The following TTLL5 variants were observed in gnomAD, a reference collection of about 807,000 sequenced individuals.
TTLL5 encodes the protein tubulin tyrosine ligase like 5, also known as tubulin polyglutamylase TTLL5.
In TTLL5, 132 loss-of-function variants were observed where a neutral mutation model predicts 168.4. The observed-to-expected ratio is 0.78, with a 90% CI of 0.68 to 0.91. TTLL5 has a LOEUF of 0.91. Among genes scored for constraint, TTLL5 ranks in the 40% least tolerant of loss-of-function variants. The pLI, the probability that TTLL5 is intolerant of heterozygous loss-of-function variation, is 0.00. For synonymous variants in TTLL5, 546 were observed against 558.6 expected, an observed-to-expected ratio of 0.98 and a Z score of 0.32; for missense variants, 1,545 against 1,581.5, an observed-to-expected ratio of 0.98 and a Z score of 0.39.
chr14:75,670,454 A>G (rs903082662), intron 3 of TTLL5, among the ~76,000 whole-genome samples: 1 of 152,186 alleles, frequency 6.6e-6, no homozygotes, highest in African/African-American at 2.4e-5. Flanking sequence ...TGGAATTGCT[A>G]GGCCATATGG....
intron 12 of TTLL5, 113 bp from the exon 13 acceptor site, chr14:75,732,225 T>TTA (rs1192508421): frequency 1.0e-5 from 8 of 770,182 alleles, no homozygotes; most frequent in Admixed American, 9.2e-5. Context: ...CACTTGCTAC[T>TTA]TACACTCAGT....
chr14:75,819,485 T>C (rs1894705332), intron 27 of TTLL5, among the ~76,000 whole-genome samples: 2 of 152,362 alleles, frequency 1.3e-5, no homozygotes, highest in South Asian at 4.1e-4. Flanking sequence ...ATGACTAGTT[T>C]TACATGTTTA....
At chr14:75,867,758 C>CAA (rs1399368296) in intron 29 of TTLL5, among the ~76,000 whole-genome samples, 6 of 90,746 alleles carry the variant, frequency 6.6e-5, no homozygotes, top group South Asian at 3.5e-4. Context: ...AGACTGTCTC[C>CAA]AAAAAAAAAA....
intron 6 of TTLL5, among the ~76,000 whole-genome samples, chr14:75,693,442 A>G (rs1885600956): frequency 1.3e-5 from 2 of 152,236 alleles, no homozygotes; most frequent in South Asian, 4.1e-4. Flanking sequence ...ACCTGTAAAG[A>G]TATAGCCTAG....
chr14:75,817,951 C>T (rs1034506400), intron 27 of TTLL5, among the ~76,000 whole-genome samples: 1 of 149,810 alleles, frequency 6.7e-6, no homozygotes, highest in Admixed American at 6.7e-5. Flanking sequence ...CATTCTCCTG[C>T]CTCAGCCTCC....
chr14:75,867,181 T>C (rs964005736), intron 29 of TTLL5, among the ~76,000 whole-genome samples: 6 of 152,144 alleles, frequency 3.9e-5, no homozygotes, highest in African/African-American at 1.2e-4. Context: ...TGTAAATGAA[T>C]GAGTGTGGCG....
chr14:75,773,556 A>T (rs1891470592), intron 21 of TTLL5, among the ~76,000 whole-genome samples: 1 of 152,200 alleles, frequency 6.6e-6, no homozygotes, highest in Non-Finnish European at 1.5e-5. Flanking sequence ...GAGGATCATC[A>T]CTACAAAACT....
Position 75,811,156 on chromosome 14 carries a change from A to AGAGAGAGT in TTLL5, c.3172-8850_3172-8849insAGAGAGTG, listed in dbSNP as rs60194482. On this transcript the variant is annotated intron_variant, in intron 27 of 31. Transcript: ENST00000298832. ...GGGAAAGAGAGGGAATGAAAGAAAGAGTGTGTGTGTGTGTGTGTGTGTGTG... is the reference window on the plus strand; with the variant it reads ...GGGAAAGAGAGGGAATGAAAGAAAGAGAGAGAGTGTGTGTGTGTGTGTGTGTGTGTGTG... Among the ~76,000 whole-genome samples, 233 of 116,624 alleles carry AGAGAGAGT rather than the reference A, an allele frequency of 2.0e-3. 1 individual carries two copies. Among genetic ancestry groups the AGAGAGAGT allele is most frequent in the African/African-American group, 6.4e-3 (191 of 29,654 alleles). The allele number at this position is 116,624 out of a possible 152,430, so 76.5% of individuals were successfully genotyped here.
intron 31 of TTLL5, among the ~76,000 whole-genome samples, chr14:75,924,568 C>T (rs1365175183): frequency 5.3e-5 from 8 of 151,900 alleles, no homozygotes; most frequent in African/African-American, 9.7e-5. Context: ...TGAGTGGACA[C>T]AGCACATGTT....
chr14:75,837,664 C>A (rs1034151933), intron 28 of TTLL5, among the ~76,000 whole-genome samples: 2 of 152,148 alleles, frequency 1.3e-5, no homozygotes, highest in African/African-American at 4.8e-5. Flanking sequence ...TTTGACTACT[C>A]TAGGTATCTC....
intron 29 of TTLL5, among the ~76,000 whole-genome samples, chr14:75,877,537 A>G (rs1286321804): frequency 1.3e-5 from 2 of 152,112 alleles, no homozygotes; most frequent in South Asian, 4.1e-4. Flanking sequence ...TGTTTCCCAC[A>G]CCCAGCAAAG....
chr14:75,667,079 T>C (rs567291477), intron 2 of TTLL5, among the ~76,000 whole-genome samples: 2 of 152,250 alleles, frequency 1.3e-5, no homozygotes, highest in East Asian at 1.9e-4. Flanking sequence ...TTTTTTTTTT[T>C]AGCTGACCTT....
In TTLL5 at chr14:75,776,315, A is replaced by G. The variant is rs529465586; in HGVS notation, c.2284-432A>G. On this transcript the variant is annotated intron_variant, in intron 22 of 31. Transcript: ENST00000298832. ...TGTTGAGAATTTTGTTATGTCTTAT[A>G]TAAGTGAAGAATTTATTCAGTATGG... Among the ~76,000 whole-genome samples the G allele has an allele frequency of 5.3e-5, 8 of 152,346 alleles. No homozygotes were observed. In the South Asian group the frequency reaches 6.2e-4, roughly 12 times the overall value.
At chr14:75,852,142 A>G (rs1896888153) in intron 28 of TTLL5, among the ~76,000 whole-genome samples, 1 of 152,094 alleles carries the variant, frequency 6.6e-6, no homozygotes, top group Non-Finnish European at 1.5e-5. Flanking sequence ...TAGGATCTGA[A>G]CCTTGCAGGC....
chr14:75,782,306 A>C (rs1229410274), intron 24 of TTLL5, among the ~76,000 whole-genome samples, 181 bp from the exon 25 acceptor site: 2 of 152,166 alleles, frequency 1.3e-5, no homozygotes, highest in Non-Finnish European at 2.9e-5. Context: ...GAATCATTTA[A>C]TTGGTTGCCT....
At chr14:75,778,341 G>A (rs1163488661) in intron 23 of TTLL5, among the ~76,000 whole-genome samples, 2 of 152,200 alleles carry the variant, frequency 1.3e-5, no homozygotes, top group African/African-American at 2.4e-5. Context: ...ACTTGCTGGA[G>A]TCAGACAGGA....
chr14:75,661,635 T>A (rs1890733586), intron 1 of TTLL5: 1 of 152,300 alleles, frequency 6.6e-6, no homozygotes, highest in African/African-American at 2.4e-5. Context: ...GGAGTCTCCT[T>A]AGGTGAGTAT....
chr14:75,826,819 C>G (rs1050818982), intron 28 of TTLL5, among the ~76,000 whole-genome samples: 9 of 152,188 alleles, frequency 5.9e-5, no homozygotes, highest in Non-Finnish European at 1.3e-4. Flanking sequence ...GTCTTTCTTT[C>G]TGACTCATGT....
chr14:75,929,556 A>T (rs568646585), intron 31 of TTLL5, among the ~76,000 whole-genome samples: 1 of 149,662 alleles, frequency 6.7e-6, no homozygotes, highest in African/African-American at 2.5e-5. Flanking sequence ...GTTTCAAGCA[A>T]TTCTCTCTGC....
Sources: gnomAD v4.1 joint callset for allele counts (sites outside exome capture counted in the v4.1 genomes callset) on GRCh38, gnomAD v4.1.1 for gene constraint, MANE v1.5 for transcripts, NCBI Gene and HGNC (gene_info 2026-07-23, HGNC 2026-07-21) for gene names.